The following PGLYRP4 variants were observed in gnomAD, a reference collection of about 807,000 sequenced individuals.
The protein encoded by PGLYRP4 is PGRP-I-beta.
Under a neutral mutation model 41.2 loss-of-function variants are expected in PGLYRP4, and 39 were observed. The observed-to-expected ratio is 0.95, with a 90% CI of 0.73 to 1.24. The LOEUF (loss-of-function observed/expected upper bound fraction) is 1.24, where lower values mean the gene tolerates loss of function less well. Among genes scored for constraint, PGLYRP4 ranks in the 50% most tolerant of loss-of-function variants. The pLI, the probability that PGLYRP4 is intolerant of heterozygous loss-of-function variation, is 0.00. For missense variants in PGLYRP4, 467 were observed against 460.7 expected (o/e 1.01, Z -0.13); for synonymous variants, 202 against 186.8 (o/e 1.08, Z -0.66).
chr1:153,330,621 G>T lies in PGLYRP4; in HGVS notation c.*146C>A. The T allele has an allele frequency of 1.6e-6, 1 of 620,168 alleles. No individual in the cohort carries two copies. Among genetic ancestry groups the T allele is most frequent in the South Asian group, 2.1e-5 (1 of 46,826 alleles). 38.4% of individuals were successfully genotyped at this position (620,168 alleles called of 1,614,324 possible). A position where few individuals can be genotyped will look rare whatever the true frequency, so the allele number is the denominator to read the frequency against. On this transcript the variant is annotated 3_prime_UTR_variant, in exon 9 of 9. Coordinates refer to ENST00000359650, the MANE Select transcript of PGLYRP4 (RefSeq NM_020393.4). ...CCCTTGGAGGATGTTGGCAGGAGAG[G>T]GCATGATCATCCCAACCTGAAAAAG...
intron 8 of PGLYRP4, 107 bp downstream of exon 8, chr1:153,337,074 A>C (rs1267244651): frequency 4.6e-6 from 4 of 870,264 alleles, no homozygotes; most frequent in Non-Finnish European, 5.9e-6. Flanking sequence ...TCAATCAAGC[A>C]TATGCAGGCA....
chr1:153,334,655 T>C (rs1660475127), intron 8 of PGLYRP4, among the ~76,000 whole-genome samples: 1 of 151,792 alleles, frequency 6.6e-6, no homozygotes, highest in Admixed American at 6.6e-5. Flanking sequence ...TTCAACGCAG[T>C]TCCTATCAAA....
intron 5 of PGLYRP4, among the ~76,000 whole-genome samples, chr1:153,342,538 G>T (rs1249833383): frequency 2.0e-5 from 3 of 152,242 alleles, no homozygotes; most frequent in African/African-American, 7.2e-5. Flanking sequence ...CAAATTCAAA[G>T]GAATGGTCCT....
chr1:153,346,117 G>T lies in PGLYRP4; in HGVS notation c.124C>A (p.Gln42Lys), dbSNP rs745495188. ...GLQYLFENIS[Q>K]LTEKGLPTDV... ...TCCAGTTTACCTTTTTCAGTGAGCT[G>T]GGAGATGTTCTCAAATAGGTACTGG... Residue 42 changes from glutamine to lysine, a missense_variant, in exon 3 of 9, where the codon CAG (glutamine) becomes AAG (lysine). By Grantham distance (53) the Gln-to-Lys change is moderately conservative. Transcript: ENST00000359650. 30 of 1,612,550 alleles carry T rather than the reference G, an allele frequency of 1.9e-5. No individual in the cohort carries two copies. Among genetic ancestry groups the T allele is most frequent in the Non-Finnish European group, 2.4e-5 (28 of 1,178,662 alleles).
chr1:153,342,769 T>C lies in PGLYRP4; in HGVS notation c.472+321A>G, dbSNP rs538253658. 5.3e-5 allele frequency among the ~76,000 whole-genome samples: 8 copies of C among 152,330 alleles called. No homozygotes were observed. In the South Asian group the frequency reaches 1.7e-3, roughly 32 times the overall value. The stretch of plus-strand genomic sequence containing the variant: ...AGAGCTCAAGAGGAAGATGTGTTAG[T>C]CATTGACATAGAGGAGAGAGCTGAA... On this transcript the variant is annotated intron_variant, in intron 5 of 8. Coordinates refer to ENST00000359650, the MANE Select transcript of PGLYRP4 (RefSeq NM_020393.4).
chr1:153,334,475 T>C (rs971504342), intron 8 of PGLYRP4, among the ~76,000 whole-genome samples: 1 of 145,808 alleles, frequency 6.9e-6, no homozygotes, highest in African/African-American at 2.5e-5. Flanking sequence ...TATTTATATA[T>C]ATTTATATAT....
intron 7 of PGLYRP4, among the ~76,000 whole-genome samples, chr1:153,340,069 A>G (rs1202677528): frequency 1.3e-5 from 2 of 152,196 alleles, no homozygotes; most frequent in East Asian, 1.9e-4. Context: ...TATCTTTTCT[A>G]CAGGTGTCAC....
At position 153,330,796 on chromosome 1, in the gene PGLYRP4, T is replaced by C; in HGVS notation, c.1093A>G (p.Ile365Val). 6.2e-7 allele frequency: 1 copy of C among 1,613,904 alleles called. No individual in the cohort carries two copies. Among genetic ancestry groups the C allele is most frequent in the Non-Finnish European group, 8.5e-7 (1 of 1,179,880 alleles). ...LSPGQALYNI[I>V]STWPHFKH ...TGTTTGAAATGAGGCCAGGTGCTGA[T>C]GATGTTGTACAAAGCCTGCCCAGGA... Residue 365 changes from isoleucine to valine, a missense_variant, in exon 9 of 9, where the codon ATC (isoleucine) becomes GTC (valine). Ile to Val is a conservative substitution (Grantham distance 29). Transcript: ENST00000359650.
At chr1:153,346,036 C>T (rs1023204882) in intron 3 of PGLYRP4, 66 bp downstream of exon 3, 7 of 1,207,798 alleles carry the variant, frequency 5.8e-6, no homozygotes, top group African/African-American at 3.0e-5. Context: ...ACCTCAGAAA[C>T]ATTTCCGATC....
At position 153,343,092 on chromosome 1, in the gene PGLYRP4, T is replaced by C; in HGVS notation, c.470A>G (p.Lys157Arg). The change falls in exon 5 of 9, where the codon AAA becomes AGA. Residue 157 changes from lysine to arginine, a missense_variant and splice_region_variant. By Grantham distance (26) the Lys-to-Arg change is conservative. Coordinates refer to ENST00000359650, the MANE Select transcript of PGLYRP4 (RefSeq NM_020393.4). Reference sequence around the variant, plus strand: ...AGGTCAGCTGTGATAACTGTTACCTTTCTTAGTGCCAAAGAAGGCAAAGCC... The same window carrying C: ...AGGTCAGCTGTGATAACTGTTACCTCTCTTAGTGCCAAAGAAGGCAAAGCC... Reference protein sequence around the residue: ...SLGFAFFGTKKGHSPSPAALS... With the variant: ...SLGFAFFGTKRGHSPSPAALS... The C allele has an allele frequency of 6.3e-7, 1 of 1,589,722 alleles. No homozygotes were observed. Among genetic ancestry groups the C allele is most frequent in the South Asian group, 1.1e-5 (1 of 90,614 alleles).
intron 7 of PGLYRP4, 43 bp downstream of exon 7, chr1:153,340,338 G>GC (rs768030190): frequency 6.4e-7 from 1 of 1,557,472 alleles, no homozygotes; most frequent in Non-Finnish European, 8.9e-7. Flanking sequence ...CTCAGTTTCT[G>GC]CCCCCAAGGG....
intron 4 of PGLYRP4, among the ~76,000 whole-genome samples, chr1:153,343,827 C>T (rs928944340): frequency 1.3e-5 from 2 of 152,212 alleles, no homozygotes; most frequent in Middle Eastern, 6.8e-3. Flanking sequence ...CCAGAAAGAG[C>T]AGACAGTAAA....
In PGLYRP4 at chr1:153,343,209, C is replaced by T. The variant is rs565244188; in HGVS notation, c.354-1G>A. 6.2e-7 allele frequency: 1 copy of T among 1,603,822 alleles called. No homozygotes were observed. The highest frequency in any genetic ancestry group is 1.3e-5 in the African/African-American group (1 of 74,866). ...CCTGCCATCATCCCCAACCAGGAAG[C>T]TATGGAGCAAGATAATACAGGTTTC... On this transcript the variant is annotated splice_acceptor_variant, in intron 4 of 8. Transcript: ENST00000359650. LOFTEE classifies it high-confidence loss of function.
intron 8 of PGLYRP4, among the ~76,000 whole-genome samples, chr1:153,334,097 G>C (rs577650900): frequency 2.0e-5 from 3 of 152,140 alleles, no homozygotes; most frequent in African/African-American, 4.8e-5. Flanking sequence ...AATTGGAAAA[G>C]AGGAAGTCAA....
intron 6 of PGLYRP4, 71 bp from the exon 7 acceptor site, chr1:153,340,650 T>G: frequency 6.7e-7 from 1 of 1,485,818 alleles, no homozygotes; most frequent in Non-Finnish European, 9.2e-7. Flanking sequence ...CACCGTAGGC[T>G]GATATAATGC....
chr1:153,337,313 A>G lies in PGLYRP4; in HGVS notation c.825-14T>C, dbSNP rs750101041. 7.4e-6 allele frequency: 11 copies of G among 1,483,684 alleles called. No individual in the cohort carries two copies. The highest frequency in any genetic ancestry group is 1.0e-5 in the Non-Finnish European group (11 of 1,074,372). The allele number at this position is 1,483,684 out of a possible 1,614,324, so 91.9% of individuals were successfully genotyped here. A position where few individuals can be genotyped will look rare whatever the true frequency, so the allele number is the denominator to read the frequency against. The stretch of plus-strand genomic sequence containing the variant: ...CCCACCAGGAAGCTAGAGGACCACA[A>G]GGGGAGATGGAGACCAGCATGAAAT... On this transcript the variant is annotated splice_polypyrimidine_tract_variant and intron_variant, in intron 7 of 8. Transcript: ENST00000359650.
At position 153,347,995 on chromosome 1, in the gene PGLYRP4, C is replaced by T; in HGVS notation, c.-46-17G>A. The T allele has an allele frequency of 2.3e-6, 3 of 1,310,006 alleles. No individual in the cohort carries two copies. The South Asian group carries it at 3.6e-5, about 16-fold the overall frequency. 81.1% of individuals were successfully genotyped at this position (1,310,006 alleles called of 1,614,324 possible). ...GATGGCAGCCTGAGAGAGACGCTGA[C>T]AGTTGTTAACATGACCATTCTCAAT... On this transcript the variant is annotated splice_polypyrimidine_tract_variant and intron_variant, in intron 1 of 8. Transcript: ENST00000359650.
At chr1:153,335,649 C>T (rs1401411493) in intron 8 of PGLYRP4, among the ~76,000 whole-genome samples, 4 of 150,096 alleles carry the variant, frequency 2.7e-5, no homozygotes, top group Non-Finnish European at 4.4e-5. Flanking sequence ...TGCTTGAACC[C>T]GGGTGGCGGA....
At chr1:153,342,038 G>A (rs1022622065) in intron 5 of PGLYRP4, among the ~76,000 whole-genome samples, 44 of 152,156 alleles carry the variant, frequency 2.9e-4, no homozygotes, top group African/African-American at 9.4e-4. Flanking sequence ...CTCAGAAGCA[G>A]CACCAAGCCC....
Sources: gnomAD v4.1 joint callset for allele counts (sites outside exome capture counted in the v4.1 genomes callset) on GRCh38, gnomAD v4.1.1 for gene constraint, MANE v1.5 for transcripts, NCBI Gene and HGNC (gene_info 2026-07-23, HGNC 2026-07-21) for gene names.